Variants in CFAP53 observed in about 807,000 individuals in gnomAD.
CFAP53 encodes the protein cilia- and flagella-associated protein 53.
A neutral mutation model predicts 59.7 loss-of-function variants in CFAP53; 62 were observed. The observed-to-expected ratio is 1.04, with a 90% CI of 0.85 to 1.28. The LOEUF (loss-of-function observed/expected upper bound fraction) is 1.28. Among genes scored for constraint, CFAP53 ranks in the 50% most tolerant of loss-of-function variants. The pLI is 0.00. For missense variants in CFAP53, 629 were observed against 615.6 expected, an observed-to-expected ratio of 1.02 and a Z score of -0.23; for synonymous variants, 218 against 205.7, an observed-to-expected ratio of 1.06 and a Z score of -0.51.
At chr18:50,244,801 C>T (rs1157232562) in intron 5 of CFAP53, among the ~76,000 whole-genome samples, 1 of 152,132 alleles carries the variant, frequency 6.6e-6, no homozygotes, top group Non-Finnish European at 1.5e-5. Flanking sequence ...TGGCTCATGC[C>T]TGTAATCCCA....
chr18:50,239,430 A>G (rs2033667722), intron 6 of CFAP53, among the ~76,000 whole-genome samples: 1 of 152,226 alleles, frequency 6.6e-6, no homozygotes, highest in Non-Finnish European at 1.5e-5. Flanking sequence ...AAAAAGACAA[A>G]GGAAACAGAG....
At chr18:50,244,493 G>C (rs536030227) in intron 5 of CFAP53, among the ~76,000 whole-genome samples, 2 of 152,220 alleles carry the variant, frequency 1.3e-5, no homozygotes, top group East Asian at 3.9e-4. Context: ...CCCAATATCA[G>C]GTAGTTCTTT....
At chr18:50,241,852 G>A (rs1040343179) in intron 6 of CFAP53, among the ~76,000 whole-genome samples, 10 of 152,146 alleles carry the variant, frequency 6.6e-5, no homozygotes, top group African/African-American at 2.4e-4. Context: ...ATAGGAAACA[G>A]GGTTCGAGAG....
intron 5 of CFAP53, among the ~76,000 whole-genome samples, chr18:50,245,388 CAAAAAAAAAA>C (rs57613061): frequency 1.1e-5 from 1 of 94,052 alleles, no homozygotes; most frequent in Non-Finnish European, 2.1e-5. Context: ...GACTCCGTCT[CAAAAAAAAAA>C]AAAAAAAAAA....
chr18:50,253,282 C>T (rs2033818614), intron 3 of CFAP53, among the ~76,000 whole-genome samples: 1 of 152,218 alleles, frequency 6.6e-6, no homozygotes, highest in Admixed American at 6.5e-5. Context: ...TCCCAAAGTG[C>T]TGGGATTACA....
At chr18:50,251,373 G>T (rs1389015115) in intron 4 of CFAP53, 108 bp downstream of exon 4, 1 of 945,558 alleles carries the variant, frequency 1.1e-6, no homozygotes, top group Non-Finnish European at 1.6e-6. Flanking sequence ...ATGGAAATGT[G>T]CCTGTGAACT....
At position 50,242,897 on chromosome 18, in the gene CFAP53, T is replaced by C. The variant is rs2033704683; in HGVS notation, c.1213+3A>G. The C allele has an allele frequency of 6.2e-7, 1 of 1,610,740 alleles. No individual in the cohort carries two copies. The highest frequency in any genetic ancestry group is 8.5e-7 in the Non-Finnish European group (1 of 1,178,308). On this transcript the variant is annotated splice_donor_region_variant and intron_variant, in intron 6 of 7. Transcript: ENST00000398545. The stretch of plus-strand genomic sequence containing the variant: ...ATAATATAACTGTAATTCAGTTCCT[T>C]ACACTTTTCTTGAACTTGAAGTTTT...
intron 3 of CFAP53, among the ~76,000 whole-genome samples, chr18:50,252,980 C>T (rs1403723639): frequency 6.6e-6 from 1 of 151,958 alleles, no homozygotes; most frequent in Non-Finnish European, 1.5e-5. Context: ...CATACCAATG[C>T]GTTCTAACCT....
chr18:50,242,391 C>A (rs1321070092), intron 6 of CFAP53, among the ~76,000 whole-genome samples: 1 of 152,252 alleles, frequency 6.6e-6, no homozygotes, highest in East Asian at 1.9e-4. Context: ...GAAATCTTCA[C>A]AATTTATGTT....
At chr18:50,238,842 G>A in intron 6 of CFAP53, 137 bp from the exon 7 acceptor site, 1 of 591,738 alleles carries the variant, frequency 1.7e-6, no homozygotes, top group South Asian at 2.3e-5. Context: ...TGATAAAGTA[G>A]AAGTACACAT....
rs180871380 is a variant in CFAP53 at position 50,237,229 on chromosome 18, C to T, written c.1316+1374G>A. Among the ~76,000 whole-genome samples, 48 of 138,452 alleles carry T rather than the reference C, an allele frequency of 3.5e-4. No homozygotes were observed. In the East Asian group the frequency reaches 6.6e-3, roughly 19 times the overall value. 90.8% of individuals were successfully genotyped at this position (138,452 alleles called of 152,430 possible). ...GCTGAGGCAGAGAATTGCTTGAACC[C>T]GGGAGTCGGAGATTGCAGTAAGCCA... On this transcript the variant is annotated intron_variant, in intron 7 of 7. Transcript: ENST00000398545.
Position 50,242,935 on chromosome 18 carries a change from A to C in CFAP53, c.1178T>G (p.Val393Gly), listed in dbSNP as rs759688903. The C allele has an allele frequency of 3.7e-6, 6 of 1,613,720 alleles. No individual in the cohort carries two copies. Among genetic ancestry groups the C allele is most frequent in the Admixed American group, 3.3e-5 (2 of 59,990 alleles). ...KEARRQLVDEVMCTRKLQVQE... is the reference protein window; with the variant it reads ...KEARRQLVDEGMCTRKLQVQE... The stretch of plus-strand genomic sequence containing the variant: ...AACTTGAAGTTTTCTTGTACACATG[A>C]CCTCATCCACAAGCTGTCTCCTTGC... Residue 393 changes from valine to glycine, a missense_variant, in exon 6 of 8, where the codon GTC becomes GGC. Coordinates refer to ENST00000398545, the MANE Select transcript of CFAP53 (RefSeq NM_145020.5).
At chr18:50,266,308 G>A in intron 1 of CFAP53, 28 bp downstream of exon 1, 1 of 1,610,324 alleles carries the variant, frequency 6.2e-7, no homozygotes, top group East Asian at 2.2e-5. Flanking sequence ...GAAAGCTGTA[G>A]GGTCTGGCAG....
At chr18:50,261,320 G>C in intron 2 of CFAP53, 83 bp from the exon 3 acceptor site, 1 of 1,324,866 alleles carries the variant, frequency 7.5e-7, no homozygotes, top group Non-Finnish European at 9.8e-7. Flanking sequence ...CAGAACTATA[G>C]GTCTAATTTG....
intron 1 of CFAP53, among the ~76,000 whole-genome samples, chr18:50,262,920 T>G (rs1599133733): frequency 6.6e-6 from 1 of 152,112 alleles, no homozygotes; most frequent in East Asian, 1.9e-4. Flanking sequence ...ATGCAAAGAG[T>G]GTGTTCCTGA....
intron 6 of CFAP53, among the ~76,000 whole-genome samples, chr18:50,240,279 AGATTACCTGCTCCACCCTAACTCATTCT>A (rs967698711): frequency 6.6e-5 from 10 of 150,782 alleles, no homozygotes; most frequent in Non-Finnish European, 1.5e-4. Flanking sequence ...TGATTCATTC[AGATTACCTGCTCCACCCTAACTCATTCT>A]GATTACCTGC....
intron 3 of CFAP53, among the ~76,000 whole-genome samples, chr18:50,260,703 A>G (rs1362591161): frequency 1.3e-5 from 2 of 152,096 alleles, no homozygotes; most frequent in African/African-American, 4.8e-5. Flanking sequence ...ACCCAAGCAC[A>G]CATGCAGCAC....
At chr18:50,262,336 T>C (rs947463298) in intron 1 of CFAP53, 117 bp from the exon 2 acceptor site, 1 of 726,766 alleles carries the variant, frequency 1.4e-6, no homozygotes, top group East Asian at 2.7e-5. Context: ...AAAAAACTAA[T>C]ACATCCTACT....
intron 1 of CFAP53, among the ~76,000 whole-genome samples, chr18:50,263,088 A>G (rs1441129680): frequency 6.6e-6 from 1 of 152,222 alleles, no homozygotes; most frequent in Non-Finnish European, 1.5e-5. Context: ...AGCATTGAAC[A>G]TAATGCCTAC....
Sources: gnomAD v4.1 joint callset for allele counts (sites outside exome capture counted in the v4.1 genomes callset) on GRCh38, gnomAD v4.1.1 for gene constraint, MANE v1.5 for transcripts, NCBI Gene and HGNC (gene_info 2026-07-23, HGNC 2026-07-21) for gene names.